Variants in DMTN observed in about 807,000 individuals in gnomAD.
DMTN encodes dematin.
A neutral mutation model predicts 59.4 loss-of-function variants in DMTN; 27 were observed. The ratio of observed to expected loss-of-function variants is 0.45; its 90% CI spans 0.33 to 0.63. The LOEUF is 0.63. Among genes scored for constraint, DMTN ranks in the 20% least tolerant of loss-of-function variants. DMTN has a pLI of 0.02. For missense variants in DMTN, 451 were observed against 528.9 expected (o/e 0.85, Z 1.45); for synonymous variants, 221 against 203.7 (o/e 1.08, Z -0.72).
At chr8:22,081,322 G>A in intron 15 of DMTN, 28 bp from the exon 16 acceptor site, 1 of 1,608,868 alleles carries the variant, frequency 6.2e-7, no homozygotes, top group South Asian at 1.1e-5. Context: ...CCCCCTCCAT[G>A]CTGAGCTGCC....
intron 7 of DMTN, 37 bp from the exon 8 acceptor site, chr8:22,070,145 C>G: frequency 6.4e-7 from 1 of 1,558,788 alleles, no homozygotes; most frequent in East Asian, 2.3e-5. Flanking sequence ...TGGCCTCGGG[C>G]AGGGCACACC....
chr8:22,080,094 G>C, intron 10 of DMTN, 86 bp from the exon 11 acceptor site: 1 of 1,511,200 alleles, frequency 6.6e-7, no homozygotes, highest in African/African-American at 1.4e-5. Context: ...CCCTGCCCCA[G>C]CTGTGGAAGG....
Position 22,080,889 on chromosome 8 carries a change from A to G in DMTN, c.1023+19A>G. ...GCAGAAGGTGAGGGGCAGGGGACAC[A>G]AGCGCCTGTAGCGGGGCGGGAGGCT... On this transcript the variant is annotated intron_variant, in intron 14 of 15. Coordinates refer to ENST00000358242, the MANE Select transcript of DMTN (RefSeq NM_001387751.1). The G allele has an allele frequency of 6.4e-7, 1 of 1,551,082 alleles. No homozygotes were observed. Among genetic ancestry groups the G allele is most frequent in the Non-Finnish European group, 8.7e-7 (1 of 1,146,848 alleles).
rs1181646615 is a variant in DMTN, at chr8:22,058,977, A to G, written c.-172+1841A>G. On this transcript the variant is annotated intron_variant, in intron 1 of 15. Coordinates refer to ENST00000358242, the MANE Select transcript of DMTN (RefSeq NM_001387751.1). This position sits in a 1 kb window ranked among gnomAD's most constrained non-coding sequence, Gnocchi z 4.3. ...CACCCACATCACACGCATGCACAGC[A>G]CCCATGGGAGCGCCTGGCCCCTGCC... is the stretch of plus-strand genomic sequence containing the variant. 2.6e-5 allele frequency among the ~76,000 whole-genome samples: 4 copies of G among 151,704 alleles called. No individual in the cohort carries two copies. Among genetic ancestry groups the G allele is most frequent in the Non-Finnish European group, 5.9e-5 (4 of 67,898 alleles).
At chr8:22,051,020 G>A (rs147441922), upstream of DMTN, among the ~76,000 whole-genome samples, 4 of 152,316 alleles carry the variant, frequency 2.6e-5, no homozygotes, top group African/African-American at 9.6e-5. Flanking sequence ...CGGTTGGAAG[G>A]AAGGAGACTT....
chr8:22,081,251 T>TG, intron 15 of DMTN, 58 bp downstream of exon 15: 1 of 1,607,974 alleles, frequency 6.2e-7, no homozygotes, highest in South Asian at 1.1e-5. Flanking sequence ...CTCTCCTGCC[T>TG]GGGGGAAGAT....
chr8:22,064,892 A>T (rs929820170), intron 1 of DMTN, among the ~76,000 whole-genome samples: 1 of 152,218 alleles, frequency 6.6e-6, no homozygotes, highest in African/African-American at 2.4e-5. Context: ...CTGAAGACAC[A>T]GTCATTTTCA....
chr8:22,079,930 G>A (rs6557780), intron 10 of DMTN, among the ~76,000 whole-genome samples: 121,582 of 152,094 alleles, frequency 0.8, 48,998 homozygotes, highest in East Asian at 0.97. Flanking sequence ...ATTGGGCCCA[G>A]TTGTATATTT....
intron 1 of DMTN, among the ~76,000 whole-genome samples, chr8:22,064,665 A>G (rs144722266): frequency 0.022 from 3,363 of 152,244 alleles, 38 homozygotes; most frequent in South Asian, 0.069. Context: ...TCACTGTGTT[A>G]GCCAGGATGG....
Position 22,081,105 on chromosome 8 carries a change from A to T in DMTN, c.1024-8A>T. 2 of 696,836 alleles carry T rather than the reference A, an allele frequency of 2.9e-6. No individual in the cohort carries two copies. The highest frequency in any genetic ancestry group is 4.7e-6 in the Non-Finnish European group (2 of 425,056). 43.2% of individuals were successfully genotyped at this position (696,836 alleles called of 1,614,324 possible). On this transcript the variant is annotated splice_polypyrimidine_tract_variant and splice_region_variant and intron_variant, in intron 14 of 15. Transcript: ENST00000358242. ...TGAGCCTAAGATTGCCCCTCCCCCCACCCCCAGATCTATCCCTATGAAATG... is the reference window on the plus strand; with the variant it reads ...TGAGCCTAAGATTGCCCCTCCCCCCTCCCCCAGATCTATCCCTATGAAATG...
rs1376869580 is a variant in DMTN at position 22,081,870 on chromosome 8, G to T, written c.*407G>T. The T allele has an allele frequency of 4.3e-6, 2 of 462,522 alleles. No individual in the cohort carries two copies. The highest frequency in any genetic ancestry group is 4.7e-5 in the Admixed American group (2 of 42,724). The allele number at this position is 462,522 out of a possible 1,614,324, so 28.7% of individuals were successfully genotyped here. On this transcript the variant is annotated 3_prime_UTR_variant, in exon 16 of 16. Transcript: ENST00000358242. ...GGCAGAAAGAGCTCCAGGCTCTTGTGTCGCCCACCCAGCCCTCCCATACTC... is the reference window on the plus strand; with the variant it reads ...GGCAGAAAGAGCTCCAGGCTCTTGTTTCGCCCACCCAGCCCTCCCATACTC...
chr8:22,080,724 T>G (rs1823659365), intron 13 of DMTN, 81 bp from the exon 14 acceptor site: 2 of 1,583,638 alleles, frequency 1.3e-6, no homozygotes, highest in Non-Finnish European at 1.7e-6. Flanking sequence ...CAGAGTTGCC[T>G]GGTGAAGAAG....
chr8:22,049,644 G>T (rs1295634742), upstream of DMTN, among the ~76,000 whole-genome samples: 1 of 151,242 alleles, frequency 6.6e-6, no homozygotes, highest in Non-Finnish European at 1.5e-5. Context: ...TTCTGGGGGT[G>T]GGGCCCCAGC....
chr8:22,063,233 C>T (rs1807953580), intron 1 of DMTN, among the ~76,000 whole-genome samples: 1 of 152,292 alleles, frequency 6.6e-6, no homozygotes, highest in East Asian at 1.9e-4. Context: ...TCCAGTCCTG[C>T]TTTGCACATT....
upstream of DMTN, among the ~76,000 whole-genome samples, chr8:22,049,686 C>T (rs1045106898): frequency 8.6e-5 from 13 of 151,764 alleles, no homozygotes; most frequent in East Asian, 2.2e-3. Flanking sequence ...GGAGCCCTCT[C>T]TTCTGAGGAT....
chr8:22,078,800 T>TTTTTTTG (rs1563534318), intron 10 of DMTN, among the ~76,000 whole-genome samples: 2 of 116,944 alleles, frequency 1.7e-5, no homozygotes, highest in South Asian at 3.2e-4. Flanking sequence ...GTCAGACTGT[T>TTTTTTTG]TTTTTTTTTT....
At chr8:22,072,754 C>T (rs939153436) in intron 9 of DMTN, among the ~76,000 whole-genome samples, 4 of 151,774 alleles carry the variant, frequency 2.6e-5, no homozygotes, top group Non-Finnish European at 4.4e-5. Context: ...GAATTACAGG[C>T]GTGAGCCACT....
In DMTN at chr8:22,081,731, G is replaced by A. The variant is rs1167814429; in HGVS notation, c.*268G>A. The A allele has an allele frequency of 1.1e-5, 6 of 557,392 alleles. No individual in the cohort carries two copies. The highest frequency in any genetic ancestry group is 3.7e-5 in the African/African-American group (2 of 53,894). 34.5% of individuals were successfully genotyped at this position (557,392 alleles called of 1,614,324 possible). On this transcript the variant is annotated 3_prime_UTR_variant, in exon 16 of 16. Coordinates refer to ENST00000358242, the MANE Select transcript of DMTN (RefSeq NM_001387751.1). ...TCTGGCACACAGAGTTCATGTTTGC[G>A]CCCTCTCCCTGCCCCTCACCCCAGA...
At chr8:22,080,386 C>T (rs1823361350) in intron 11 of DMTN, 26 bp from the exon 12 acceptor site, 2 of 1,614,170 alleles carry the variant, frequency 1.2e-6, no homozygotes, top group East Asian at 2.2e-5. Context: ...CCCCGACTGC[C>T]TCTGATTCCT....
Sources: gnomAD v4.1 joint callset for allele counts (sites outside exome capture counted in the v4.1 genomes callset) on GRCh38, gnomAD v4.1.1 for gene constraint, Gnocchi (gnomAD v3.1) non-coding constraint, MANE v1.5 for transcripts, NCBI Gene and HGNC (gene_info 2026-07-23, HGNC 2026-07-21) for gene names.